Variants in NT5C3A observed in about 807,000 individuals in gnomAD.
NT5C3A encodes cytosolic 5'-nucleotidase 3A.
A neutral mutation model predicts 40.0 loss-of-function variants in NT5C3A; 23 were observed. That is an observed-to-expected ratio of 0.58 (90% CI 0.41 to 0.81). NT5C3A has a LOEUF of 0.81. Ranked by LOEUF, NT5C3A falls within the 40% of genes least tolerant of loss-of-function variation. The pLI is 0.00. For missense variants in NT5C3A, 328 were observed against 403.0 expected, an observed-to-expected ratio of 0.81 and a Z score of 1.59; for synonymous variants, 130 against 141.4, an observed-to-expected ratio of 0.92 and a Z score of 0.57.
rs761868466 is a variant in NT5C3A at position 33,026,858 on chromosome 7, T to C, written c.196A>G (p.Ile66Val). 2 of 1,612,720 alleles carry C rather than the reference T, an allele frequency of 1.2e-6. No homozygotes were observed. Among genetic ancestry groups the C allele is most frequent in the South Asian group, 2.2e-5 (2 of 91,054 alleles). ...RIKNPTRVEE[I>V]ICGLIKGGAA... Reference sequence around the variant, plus strand: ...CCTCCTTTGATAAGACCACAGATAATTTCTTCTACTCTTGTAGGGTTCTTG... The same window carrying C: ...CCTCCTTTGATAAGACCACAGATAACTTCTTCTACTCTTGTAGGGTTCTTG... The change falls in exon 2 of 9, where the codon ATT becomes GTT. Residue 66 changes from isoleucine to valine, a missense_variant. This residue lies in a region of NT5C3A where 280 missense variants were observed against 317.2 expected (regional missense o/e 0.88). Coordinates refer to ENST00000610140, the MANE Select transcript of NT5C3A (RefSeq NM_001002010.5).
At chr7:33,053,587 G>A (rs761181262) in intron 1 of NT5C3A, among the ~76,000 whole-genome samples, 10 of 151,996 alleles carry the variant, frequency 6.6e-5, no homozygotes, top group Non-Finnish European at 1.3e-4. Context: ...TTTGAGCCCA[G>A]GAGGTCGAGG....
chr7:33,057,586 T>TA (rs199702728), intron 1 of NT5C3A, among the ~76,000 whole-genome samples: 1,933 of 152,206 alleles, frequency 0.013, 32 homozygotes, highest in African/African-American at 0.04. Context: ...GCTAAAGTTT[T>TA]AAAAAAACCA....
chr7:33,047,289 G>A (rs994830819), intron 1 of NT5C3A, among the ~76,000 whole-genome samples: 3 of 152,016 alleles, frequency 2.0e-5, no homozygotes, highest in East Asian at 3.9e-4. Flanking sequence ...GCACTATATC[G>A]AGTACATCTA....
chr7:33,021,645 C>G (rs977158328), intron 4 of NT5C3A, among the ~76,000 whole-genome samples: 4 of 152,090 alleles, frequency 2.6e-5, no homozygotes, highest in African/African-American at 9.7e-5. Flanking sequence ...AAATTTGATT[C>G]ACATTTCAAA....
chr7:33,048,502 A>C (rs1244689929), intron 1 of NT5C3A, among the ~76,000 whole-genome samples: 2 of 152,200 alleles, frequency 1.3e-5, no homozygotes, highest in Non-Finnish European at 2.9e-5. Flanking sequence ...ATCTATAGTG[A>C]ATCACATGAT....
chr7:33,050,672 CTT>C (rs1421660213), intron 1 of NT5C3A, among the ~76,000 whole-genome samples: 1 of 152,178 alleles, frequency 6.6e-6, no homozygotes, highest in African/African-American at 2.4e-5. Context: ...TGAAGCAACT[CTT>C]TAATGAACTG....
intron 1 of NT5C3A, among the ~76,000 whole-genome samples, chr7:33,043,396 A>C (rs750980066): frequency 5.3e-5 from 8 of 152,186 alleles, no homozygotes; most frequent in Non-Finnish European, 1.2e-4. Flanking sequence ...GCTCCTTGGG[A>C]AATTTAAATA....
At chr7:33,034,309 G>A (rs1321904938) in intron 1 of NT5C3A, among the ~76,000 whole-genome samples, 4 of 152,184 alleles carry the variant, frequency 2.6e-5, no homozygotes, top group African/African-American at 9.7e-5. Flanking sequence ...TAACTGTGGA[G>A]TGAATACACT....
chr7:33,040,191 T>C (rs1187562322), intron 1 of NT5C3A, among the ~76,000 whole-genome samples: 1 of 151,956 alleles, frequency 6.6e-6, no homozygotes, highest in African/African-American at 2.4e-5. Flanking sequence ...CTTTAAGAAA[T>C]GATCTGCAGC....
rs541609129 is a variant in NT5C3A, at chr7:33,054,074, G to A, written c.138+8494C>T. Among the ~76,000 whole-genome samples, 650 of 151,418 alleles carry A rather than the reference G, an allele frequency of 4.3e-3. 5 individuals carry two copies. The highest frequency in any genetic ancestry group is 0.023 in the South Asian group (110 of 4,802). ...GCCTTTGATAATGTTGAGTTTAATG[G>A]GCTGGGCATGGTGGCACATGTCTGT... On this transcript the variant is annotated intron_variant, in intron 1 of 8. Coordinates refer to ENST00000610140, the MANE Select transcript of NT5C3A (RefSeq NM_001002010.5).
intron 5 of NT5C3A, 82 bp from the exon 6 acceptor site, chr7:33,019,806 T>A: frequency 2.5e-6 from 2 of 814,754 alleles, no homozygotes; most frequent in Non-Finnish European, 4.2e-6. Context: ...CATTCTTCCA[T>A]GTGAGAAAAT....
At chr7:33,061,888 G>C (rs1448565463) in intron 1 of NT5C3A, among the ~76,000 whole-genome samples, 2 of 152,050 alleles carry the variant, frequency 1.3e-5, no homozygotes, top group Non-Finnish European at 2.9e-5. Context: ...GTATCTCAAA[G>C]GGAATTCTTG....
At chr7:33,028,257 A>G (rs1487897004) in intron 1 of NT5C3A, among the ~76,000 whole-genome samples, 1 of 152,164 alleles carries the variant, frequency 6.6e-6, no homozygotes, top group Admixed American at 6.5e-5. Flanking sequence ...GCAACACAGC[A>G]AGACCCATCT....
rs777491297 is a variant in NT5C3A at position 33,022,046 on chromosome 7, T to C, written c.354+7A>G. 1 of 1,481,364 alleles carries C rather than the reference T, an allele frequency of 6.8e-7. No individual in the cohort carries two copies. The highest frequency in any genetic ancestry group is 1.7e-5 in the Admixed American group (1 of 59,550). The allele number at this position is 1,481,364 out of a possible 1,614,324, so 91.8% of individuals were successfully genotyped here. ...TTGAGTGACTATAGATTGTTGTTAGTGTTTACCTTTTTTCTACATTCATCT... is the reference window on the plus strand; with the variant it reads ...TTGAGTGACTATAGATTGTTGTTAGCGTTTACCTTTTTTCTACATTCATCT... On this transcript the variant is annotated splice_region_variant and intron_variant, in intron 4 of 8. Transcript: ENST00000610140.
chr7:33,049,765 C>T (rs1024090201), intron 1 of NT5C3A, among the ~76,000 whole-genome samples: 26 of 151,676 alleles, frequency 1.7e-4, no homozygotes, highest in Admixed American at 1.6e-3. Flanking sequence ...GTCAGGAGAT[C>T]GAGACCATCC....
chr7:33,035,476 C>T (rs1033955999), intron 1 of NT5C3A, among the ~76,000 whole-genome samples: 3 of 151,914 alleles, frequency 2.0e-5, no homozygotes, highest in Non-Finnish European at 4.4e-5. Flanking sequence ...TACAGGCACC[C>T]GGCCGGAATG....
At chr7:33,038,182 G>C (rs1164091599) in intron 1 of NT5C3A, among the ~76,000 whole-genome samples, 1 of 151,096 alleles carries the variant, frequency 6.6e-6, no homozygotes, top group Non-Finnish European at 1.5e-5. Context: ...TGGAGACTGT[G>C]GAAAAGTACT....
rs1190724108 is a variant in NT5C3A, at chr7:33,016,076, T to C, written c.694-206A>G. On this transcript the variant is annotated intron_variant, in intron 7 of 8. Transcript: ENST00000610140. ...AAGTAAATGATTTTTTAGATACTAT[T>C]TTAAATGGTAAAACAAAGGCCGGGC... The C allele has an allele frequency of 5.3e-6, 3 of 566,590 alleles. No homozygotes were observed. In the African/African-American group the frequency reaches 5.7e-5, roughly 11 times the overall value. 35.1% of individuals were successfully genotyped at this position (566,590 alleles called of 1,614,324 possible). A position where few individuals can be genotyped will look rare whatever the true frequency, so the allele number is the denominator to read the frequency against.
intron 7 of NT5C3A, 58 bp from the exon 8 acceptor site, chr7:33,015,928 A>T: frequency 8.5e-7 from 1 of 1,178,570 alleles, no homozygotes; most frequent in Admixed American, 1.7e-5. Context: ...TTGGATTTTC[A>T]TATTTTGGAG....
Sources: allele counts gnomAD v4.1 joint callset (sites outside exome capture counted in the v4.1 genomes callset), GRCh38; gene constraint gnomAD v4.1.1; regional missense constraint gnomAD v4.1.1; transcripts MANE v1.5; gene names NCBI Gene and HGNC (gene_info 2026-07-23, HGNC 2026-07-21).